Variants in PDGFB observed in about 807,000 individuals in gnomAD.
PDGFB encodes platelet-derived growth factor subunit B.
In PDGFB, 6 loss-of-function variants were observed where a neutral mutation model predicts 29.0. The ratio of observed to expected loss-of-function variants is 0.21; its 90% CI spans 0.11 to 0.41. The LOEUF is 0.41. Ranked by LOEUF, PDGFB falls within the 10% of genes least tolerant of loss-of-function variation. PDGFB has a pLI of 1.00. For missense variants in PDGFB, 299 were observed against 341.8 expected, an observed-to-expected ratio of 0.87 and a Z score of 0.99; for synonymous variants, 144 against 140.8, an observed-to-expected ratio of 1.02 and a Z score of -0.16.
intron 1 of PDGFB, 146 bp from the exon 2 acceptor site, chr22:39,236,020 G>T: frequency 1.6e-6 from 1 of 633,082 alleles, no homozygotes; most frequent in Non-Finnish European, 2.8e-6. Flanking sequence ...CAGGCCTGAT[G>T]ATCAGGAGCA....
In PDGFB at chr22:39,242,637, C is replaced by A. The variant is rs1932594701; in HGVS notation, c.63+1264G>T. Among the ~76,000 whole-genome samples, 1 of 151,770 alleles carries A rather than the reference C, an allele frequency of 6.6e-6. No individual in the cohort carries two copies. The highest frequency in any genetic ancestry group is 1.5e-5 in the Non-Finnish European group (1 of 67,858). On this transcript the variant is annotated intron_variant, in intron 1 of 6. Coordinates refer to ENST00000331163, the MANE Select transcript of PDGFB (RefSeq NM_002608.4). This position sits in a 1 kb window ranked among gnomAD's most constrained non-coding sequence, Gnocchi z 5.7. Reference sequence around the variant, plus strand: ...GAGGAGCCCCGAGAACAAAAGGAGACGGCGACGGCTCCTCCGTGGTCAAAA... The same window carrying A: ...GAGGAGCCCCGAGAACAAAAGGAGAAGGCGACGGCTCCTCCGTGGTCAAAA...
intron 1 of PDGFB, among the ~76,000 whole-genome samples, chr22:39,236,921 A>C (rs2146448388): frequency 6.6e-6 from 1 of 152,194 alleles, no homozygotes; most frequent in East Asian, 1.9e-4. Context: ...AGTCCTGGAG[A>C]GGGCATCAAT....
chr22:39,232,868 G>A (rs770073132), intron 3 of PDGFB, among the ~76,000 whole-genome samples: 2 of 152,244 alleles, frequency 1.3e-5, no homozygotes, highest in Non-Finnish European at 2.9e-5. Context: ...AAGAGGAGGA[G>A]GGGTTTGAGT....
rs777757750 is a variant in PDGFB at position 39,243,863 on chromosome 22, T to C, written c.63+38A>G. On this transcript the variant is annotated intron_variant, in intron 1 of 6. Transcript: ENST00000331163. This position sits in a 1 kb window ranked among gnomAD's most constrained non-coding sequence, Gnocchi z 6.4. ...GGTCAGAAGGGGGGGGCGAAGGTAA[T>C]GAATGAAGAACCAGCCCCAGCCGCC... The C allele has an allele frequency of 6.4e-7, 1 of 1,557,912 alleles. No homozygotes were observed. Among genetic ancestry groups the C allele is most frequent in the South Asian group, 1.1e-5 (1 of 86,986 alleles).
intron 4 of PDGFB, 39 bp from the exon 5 acceptor site, chr22:39,230,267 C>A (rs757757910): frequency 6.2e-7 from 1 of 1,609,482 alleles, no homozygotes; most frequent in Admixed American, 1.7e-5. Flanking sequence ...GTAGAGACCA[C>A]ACAGCCAGGA....
At chr22:39,230,489 G>A (rs1315844705) in intron 4 of PDGFB, among the ~76,000 whole-genome samples, 1 of 152,264 alleles carries the variant, frequency 6.6e-6, no homozygotes, top group Admixed American at 6.5e-5. Context: ...CAGCCAGAAA[G>A]GCATTTCCGG....
At chr22:39,233,560 C>CT in intron 2 of PDGFB, 36 bp from the exon 3 acceptor site, 1 of 1,503,234 alleles carries the variant, frequency 6.7e-7, no homozygotes, top group African/African-American at 1.4e-5. Flanking sequence ...CCAGGCGGCC[C>CT]CACCTTGGGC....
Position 39,237,918 on chromosome 22 carries a change from C to G in PDGFB, c.64-2044G>C, listed in dbSNP as rs750463321. ...GCCAAAGCCGGGTGCCTAGCCAGGC[C>G]TCCCTGGATCACTGGCAGAAGGAGA... On this transcript the variant is annotated intron_variant, in intron 1 of 6. Transcript: ENST00000331163. 5.8e-4 allele frequency among the ~76,000 whole-genome samples: 88 copies of G among 152,378 alleles called. 2 individuals carry two copies. The highest frequency in any genetic ancestry group is 3.4e-3 in the Middle Eastern group (1 of 294).
At chr22:39,235,083 A>G (rs1442451520) in intron 2 of PDGFB, among the ~76,000 whole-genome samples, 2 of 152,142 alleles carry the variant, frequency 1.3e-5, no homozygotes, top group Non-Finnish European at 2.9e-5. Context: ...CAACGGGGAG[A>G]GGAAACAAAG....
chr22:39,235,908 G>T, intron 1 of PDGFB, 34 bp from the exon 2 acceptor site: 1 of 1,432,316 alleles, frequency 7.0e-7, no homozygotes, highest in Non-Finnish European at 9.8e-7. Flanking sequence ...TGAGTGAGCT[G>T]GGAGTGGGGG....
intron 1 of PDGFB, chr22:39,241,238 G>A (rs1932562417): frequency 4.6e-6 from 2 of 437,912 alleles, no homozygotes; most frequent in Non-Finnish European, 8.4e-6. Context: ...ACCCAGCCCT[G>A]CCTCACGGCT....
At chr22:39,227,772 C>A (rs899326089) in intron 5 of PDGFB, among the ~76,000 whole-genome samples, 1 of 152,184 alleles carries the variant, frequency 6.6e-6, no homozygotes, top group Non-Finnish European at 1.5e-5. Flanking sequence ...TCAAGGCCAG[C>A]CATTTCCTGG....
chr22:39,240,975 C>T, intron 1 of PDGFB: 1 of 1,314,200 alleles, frequency 7.6e-7, no homozygotes, highest in South Asian at 1.2e-5. Flanking sequence ...GCTCTTGCAC[C>T]AGATCCTCCA....
Position 39,235,878 on chromosome 22 carries a change from C to A in PDGFB, c.64-4G>T. 1 of 1,607,288 alleles carries A rather than the reference C, an allele frequency of 6.2e-7. No individual in the cohort carries two copies. The highest frequency in any genetic ancestry group is 8.5e-7 in the Non-Finnish European group (1 of 1,174,318). On this transcript the variant is annotated splice_polypyrimidine_tract_variant and splice_region_variant and intron_variant, in intron 1 of 6. Coordinates refer to ENST00000331163, the MANE Select transcript of PDGFB (RefSeq NM_002608.4). ...GCTCCTCGGGAATGGGGTCCCCCTG[C>A]CGGGCAGACACCAAAAGGCTGAGTG...
At chr22:39,227,848 C>A (rs1412628285) in intron 5 of PDGFB, among the ~76,000 whole-genome samples, 1 of 152,238 alleles carries the variant, frequency 6.6e-6, no homozygotes, top group East Asian at 1.9e-4. Flanking sequence ...CAGACACCAG[C>A]TCCCACGAGG....
chr22:39,232,146 A>C (rs921750566), intron 3 of PDGFB, among the ~76,000 whole-genome samples: 1 of 152,172 alleles, frequency 6.6e-6, no homozygotes, highest in Non-Finnish European at 1.5e-5. Flanking sequence ...CTGGCACATG[A>C]CTATTTTATT....
chr22:39,226,925 G>C (rs999425781), intron 5 of PDGFB, among the ~76,000 whole-genome samples: 3 of 152,328 alleles, frequency 2.0e-5, no homozygotes, highest in African/African-American at 7.2e-5. Context: ...ATTGGAGCAA[G>C]TCACTTAACT....
intron 5 of PDGFB, 116 bp downstream of exon 5, chr22:39,229,968 C>T: frequency 8.3e-7 from 1 of 1,208,788 alleles, no homozygotes; most frequent in Non-Finnish European, 1.2e-6. Flanking sequence ...AAAAGAAAGC[C>T]TCCCGTGAAT....
intron 1 of PDGFB, among the ~76,000 whole-genome samples, chr22:39,237,612 C>T (rs970976291): frequency 2.6e-4 from 40 of 152,206 alleles, no homozygotes; most frequent in Admixed American, 2.4e-3. Flanking sequence ...AGAGAGACCA[C>T]GCCTCCGGTG....
Sources: gnomAD v4.1 joint callset for allele counts (sites outside exome capture counted in the v4.1 genomes callset) on GRCh38, gnomAD v4.1.1 for gene constraint, Gnocchi (gnomAD v3.1) non-coding constraint, MANE v1.5 for transcripts, NCBI Gene and HGNC (gene_info 2026-07-23, HGNC 2026-07-21) for gene names.